The following ZDHHC8 variants were observed in gnomAD, a reference collection of about 807,000 sequenced individuals.
ZDHHC8 encodes palmitoyltransferase ZDHHC8.
ZDHHC8 carries 24 observed loss-of-function variants against 61.2 expected under a neutral mutation model. That is an observed-to-expected ratio of 0.39 (90% CI 0.28 to 0.55). The LOEUF (loss-of-function observed/expected upper bound fraction) is 0.55, where lower values mean the gene tolerates loss of function less well. Ranked by LOEUF, ZDHHC8 falls within the 20% of genes least tolerant of loss-of-function variation. ZDHHC8 has a pLI of 0.60. For missense variants in ZDHHC8, 935 were observed against 1,102.1 expected, an observed-to-expected ratio of 0.85 and a Z score of 2.15; for synonymous variants, 523 against 492.5, an observed-to-expected ratio of 1.06 and a Z score of -0.82.
chr22:20,147,326 G>A lies in ZDHHC8; in HGVS notation c.*1926G>A. 8.0e-7 allele frequency: 1 copy of A among 1,256,450 alleles called. No individual in the cohort carries two copies. The highest frequency in any genetic ancestry group is 1.0e-6 in the Non-Finnish European group (1 of 953,894). 77.8% of individuals were successfully genotyped at this position (1,256,450 alleles called of 1,614,324 possible). On this transcript the variant is annotated 3_prime_UTR_variant, in exon 11 of 11. Transcript: ENST00000334554. ...TGGACCCTGGGGCAGGGCTGGGGGT[G>A]GGCTGGGCTCTCTGCTCCACCAGCC... is the stretch of plus-strand genomic sequence containing the variant.
rs926788848 is a variant in ZDHHC8 at position 20,143,228 on chromosome 22, C to T, written c.1598C>T (p.Pro533Leu). The change falls in exon 10 of 11, where the codon CCC (proline) becomes CTC (leucine). Residue 533 changes from proline (P) to leucine (L), a missense_variant. Pro to Leu is a moderately conservative substitution (Grantham distance 98, BLOSUM62 -3). This residue lies in a region of ZDHHC8 where 692 missense variants were observed against 731.4 expected (regional missense o/e 0.95). Coordinates refer to ENST00000334554, the MANE Select transcript of ZDHHC8 (RefSeq NM_013373.4). ...RSFSPVLGPR[P>L]REPSPVRYDN... ...TTCAGCCCCGTGCTGGGCCCCCGCCCCCGGGAGCCCTCGCCTGTGCGCTAC... is the reference window on the plus strand; with the variant it reads ...TTCAGCCCCGTGCTGGGCCCCCGCCTCCGGGAGCCCTCGCCTGTGCGCTAC... 9 of 1,607,184 alleles carry T rather than the reference C, an allele frequency of 5.6e-6. No individual in the cohort carries two copies. In the African/African-American group the frequency reaches 1.1e-4, roughly 19 times the overall value.
chr22:20,132,103 C>A, intron 1 of ZDHHC8, 52 bp downstream of exon 1: 1 of 1,100,682 alleles, frequency 9.1e-7, no homozygotes, highest in Non-Finnish European at 1.1e-6. Context: ...GCAGGGCCCG[C>A]ACAGCCCGGG....
rs758098532 is a variant in ZDHHC8, at chr22:20,142,879, T to A, written c.1249T>A (p.Ser417Thr). Residue 417 changes from serine (S) to threonine (T), a missense_variant, in exon 10 of 11, where the codon TCC (serine) becomes ACC (threonine). Around this residue, in one of 3 missense-constraint regions of ZDHHC8, gnomAD observed 692 missense variants for 731.4 expected, o/e 0.95. Coordinates refer to ENST00000334554, the MANE Select transcript of ZDHHC8 (RefSeq NM_013373.4). ...PGGLHAAYPP[S>T]PPLSASDAFS... Reference sequence around the variant, plus strand: ...GGGCCTGCATGCAGCCTACCCGCCATCCCCACCGCTCAGCGCCTCTGATGC... The same window carrying A: ...GGGCCTGCATGCAGCCTACCCGCCAACCCCACCGCTCAGCGCCTCTGATGC... 3.1e-6 allele frequency: 5 copies of A among 1,611,842 alleles called. No homozygotes were observed. Among genetic ancestry groups the A allele is most frequent in the Admixed American group, 1.7e-5 (1 of 59,906 alleles).
intron 8 of ZDHHC8, 34 bp downstream of exon 8, chr22:20,141,371 A>G: frequency 6.2e-7 from 1 of 1,611,688 alleles, no homozygotes; most frequent in Non-Finnish European, 8.5e-7. Flanking sequence ...AGGGAGGGAT[A>G]TGGGTTGACC....
chr22:20,144,146 C>A (rs369509398), intron 10 of ZDHHC8, among the ~76,000 whole-genome samples: 4 of 152,124 alleles, frequency 2.6e-5, no homozygotes, highest in African/African-American at 9.7e-5. Context: ...CCACCCAGGG[C>A]TCTCCCTGGG....
At position 20,139,901 on chromosome 22, in the gene ZDHHC8, G is replaced by A. The variant is rs775201673; in HGVS notation, c.557+9G>A. ...GCGCACACCACCATCACGTATCCTT[G>A]GTTCCTGTGGGCCTCATTGCAGAGG... On this transcript the variant is annotated intron_variant, in intron 4 of 10. Transcript: ENST00000334554. The A allele has an allele frequency of 1.3e-5, 20 of 1,595,066 alleles. No homozygotes were observed. Among genetic ancestry groups the A allele is most frequent in the Non-Finnish European group, 1.5e-5 (18 of 1,169,690 alleles).
At position 20,143,686 on chromosome 22, in the gene ZDHHC8, G is replaced by C; in HGVS notation, c.2056G>C (p.Ala686Pro). The C allele has an allele frequency of 1.2e-6, 2 of 1,610,170 alleles. No homozygotes were observed. The highest frequency in any genetic ancestry group is 8.5e-7 in the Non-Finnish European group (1 of 1,179,536). Residue 686 changes from alanine (A) to proline (P), a missense_variant, in exon 10 of 11, where the codon GCG becomes CCG. Around this residue, in one of 3 missense-constraint regions of ZDHHC8, gnomAD observed 692 missense variants for 731.4 expected, o/e 0.95. Transcript: ENST00000334554. ...PPGTPHSPSY[A>P]GPKAVAFIHT... Reference sequence around the variant, plus strand: ...CGGCACTCCCCACTCACCATCCTACGCGGGCCCCAAAGCTGTCGCCTTCAT... The same window carrying C: ...CGGCACTCCCCACTCACCATCCTACCCGGGCCCCAAAGCTGTCGCCTTCAT...
At chr22:20,133,133 G>A (rs2050392004) in intron 1 of ZDHHC8, among the ~76,000 whole-genome samples, 1 of 152,254 alleles carries the variant, frequency 6.6e-6, no homozygotes, top group African/African-American at 2.4e-5. Context: ...CTGCAGGCTG[G>A]GGCTGGGTGG....
intron 1 of ZDHHC8, among the ~76,000 whole-genome samples, chr22:20,137,152 A>G (rs550603579): frequency 5.9e-5 from 9 of 152,306 alleles, no homozygotes; most frequent in African/African-American, 2.2e-4. Flanking sequence ...TGTGGCAGGT[A>G]CCCGCACTGG....
rs2050523639 is a variant in ZDHHC8, at chr22:20,146,357, G to C, written c.*957G>C. On this transcript the variant is annotated 3_prime_UTR_variant, in exon 11 of 11. Transcript: ENST00000334554. ...TTCCCTTGGTGTCAGGGACCTGAGA[G>C]TAAGCACATGACAGCGTCTGCTTGC... 1.6e-5 allele frequency: 16 copies of C among 985,566 alleles called. No individual in the cohort carries two copies. Among genetic ancestry groups the C allele is most frequent in the Non-Finnish European group, 1.8e-5 (15 of 829,954 alleles). The allele number at this position is 985,566 out of a possible 1,614,324, so 61.1% of individuals were successfully genotyped here. A position where few individuals can be genotyped will look rare whatever the true frequency, so the allele number is the denominator to read the frequency against.
chr22:20,137,966 G>C (rs1222218502), intron 1 of ZDHHC8, among the ~76,000 whole-genome samples: 5 of 152,250 alleles, frequency 3.3e-5, no homozygotes, highest in Non-Finnish European at 7.3e-5. Flanking sequence ...GGGTAACTTG[G>C]GCTCCCAGCC....
chr22:20,136,286 G>C (rs796810910), intron 1 of ZDHHC8, among the ~76,000 whole-genome samples: 10 of 152,336 alleles, frequency 6.6e-5, no homozygotes, highest in Middle Eastern at 3.4e-3. Context: ...GAGCCTCCCC[G>C]AGCCTGGACC....
Position 20,140,149 on chromosome 22 carries a change from A to C in ZDHHC8, c.592A>C (p.Ile198Leu). Reference protein sequence around the residue: ...AVMCVAGLFFIPVIGLTGFHV... With the variant: ...AVMCVAGLFFLPVIGLTGFHV... ...CATGTGTGTGGCCGGCCTCTTCTTC[A>C]TCCCTGTCATTGGCCTCACTGGCTT... Residue 198 changes from isoleucine (I) to leucine (L), a missense_variant, in exon 5 of 11, where the codon ATC becomes CTC. Around this residue, in one of 3 missense-constraint regions of ZDHHC8, gnomAD observed 199 missense variants for 334.0 expected, o/e 0.60. Transcript: ENST00000334554. The C allele has an allele frequency of 6.2e-7, 1 of 1,613,616 alleles. No individual in the cohort carries two copies. The highest frequency in any genetic ancestry group is 8.5e-7 in the Non-Finnish European group (1 of 1,179,990).
At chr22:20,133,877 G>C (rs2148002055) in intron 1 of ZDHHC8, among the ~76,000 whole-genome samples, 1 of 152,336 alleles carries the variant, frequency 6.6e-6, no homozygotes, top group East Asian at 1.9e-4. Context: ...CAGCCTGGCT[G>C]TGTGGTGGCT....
chr22:20,133,721 CAAA>C (rs34467871), intron 1 of ZDHHC8, among the ~76,000 whole-genome samples: 75 of 72,620 alleles, frequency 1.0e-3, no homozygotes, highest in African/African-American at 2.9e-3. Context: ...GACTCTGTCT[CAAA>C]AAAAAAAAAA....
Position 20,146,107 on chromosome 22 carries a change from T to C in ZDHHC8, c.*707T>C, listed in dbSNP as rs1196704871. 1.0e-6 allele frequency: 1 copy of C among 985,696 alleles called. No homozygotes were observed. The highest frequency in any genetic ancestry group is 1.1e-4 in the East Asian group (1 of 8,828). 61.1% of individuals were successfully genotyped at this position (985,696 alleles called of 1,614,324 possible). On this transcript the variant is annotated 3_prime_UTR_variant, in exon 11 of 11. Transcript: ENST00000334554. ...GCCGCTGTCCCTTTCATCAAAGCCT[T>C]AACCTTTGCTTTATGCTCTTGTGGG...
chr22:20,141,667 C>G (rs1195324901), intron 9 of ZDHHC8, 137 bp downstream of exon 9: 1 of 752,442 alleles, frequency 1.3e-6, no homozygotes, highest in Non-Finnish European at 2.2e-6. Context: ...TCCCCTGAGG[C>G]CATGCCCCTC....
chr22:20,141,128 T>G (rs175175), intron 7 of ZDHHC8, 89 bp from the exon 8 acceptor site: 1,107,140 of 1,580,308 alleles, frequency 0.7, 390,203 homozygotes, highest in African/African-American at 0.87. Flanking sequence ...GACAGATTCT[T>G]GGGAGGGGGC....
intron 10 of ZDHHC8, 36 bp from the exon 11 acceptor site, chr22:20,145,193 C>T: frequency 7.1e-7 from 1 of 1,409,158 alleles, no homozygotes; most frequent in Non-Finnish European, 9.3e-7. Flanking sequence ...CGTGTGTTCA[C>T]CGTGTGCATG....
Sources: allele counts gnomAD v4.1 joint callset (sites outside exome capture counted in the v4.1 genomes callset), GRCh38; gene constraint gnomAD v4.1.1; regional missense constraint gnomAD v4.1.1; transcripts MANE v1.5; gene names NCBI Gene and HGNC (gene_info 2026-07-23, HGNC 2026-07-21).